Variants in UBQLN4 observed in about 807,000 individuals in gnomAD.
UBQLN4 encodes ubiquilin 4, also known as ubiquilin-4.
UBQLN4 carries 11 observed loss-of-function variants against 60.4 expected under a neutral mutation model. The observed-to-expected ratio is 0.18, with a 90% CI of 0.11 to 0.30. The LOEUF is 0.30. Among genes scored for constraint, UBQLN4 ranks in the 10% least tolerant of loss-of-function variants. The probability of loss-of-function intolerance (pLI) is 1.00; values close to 1 mark genes in which losing one functional copy is unlikely to be tolerated. For missense variants in UBQLN4, 417 were observed against 795.5 expected (o/e 0.52, Z 5.72); for synonymous variants, 258 against 313.1 (o/e 0.82, Z 1.86).
chr1:156,032,424 T>C (rs1329077324), downstream of UBQLN4, among the ~76,000 whole-genome samples: 1 of 149,834 alleles, frequency 6.7e-6, no homozygotes, highest in Non-Finnish European at 1.5e-5. Flanking sequence ...GGCAGGAGAA[T>C]CACTTGAACC....
chr1:156,032,699 T>C (rs989242314), downstream of UBQLN4, among the ~76,000 whole-genome samples: 1 of 152,236 alleles, frequency 6.6e-6, no homozygotes, highest in South Asian at 2.1e-4. Context: ...GGTTTAGGTT[T>C]GCTCTGTGAT....
At chr1:156,038,930 T>G (rs1683475741) in intron 10 of UBQLN4, among the ~76,000 whole-genome samples, 1 of 151,928 alleles carries the variant, frequency 6.6e-6, no homozygotes, top group South Asian at 2.1e-4. Flanking sequence ...TAGCTGGGAT[T>G]ACAGGTGCAT....
chr1:156,047,655 G>A (rs1323446121), intron 5 of UBQLN4, among the ~76,000 whole-genome samples: 3 of 151,434 alleles, frequency 2.0e-5, no homozygotes, highest in African/African-American at 7.3e-5. Context: ...CAGCACTTTT[G>A]GAGGCCAAGG....
intron 10 of UBQLN4, among the ~76,000 whole-genome samples, chr1:156,038,237 TG>T (rs1488460446): frequency 6.7e-6 from 1 of 148,792 alleles, no homozygotes; most frequent in Non-Finnish European, 1.5e-5. Context: ...ATTACCCAGG[TG>T]TGGTGGCGCA....
At chr1:156,045,504 T>C (rs1328707928) in intron 5 of UBQLN4, among the ~76,000 whole-genome samples, 1 of 152,270 alleles carries the variant, frequency 6.6e-6, no homozygotes, top group African/African-American at 2.4e-5. Flanking sequence ...ACTATGTGCC[T>C]GACACATTTA....
Position 156,050,720 on chromosome 1 carries a change from G to C in UBQLN4, c.479-167C>G, listed in dbSNP as rs1683845305. 1.3e-5 allele frequency among the ~76,000 whole-genome samples: 2 copies of C among 152,204 alleles called. No individual in the cohort carries two copies. The highest frequency in any genetic ancestry group is 4.8e-5 in the African/African-American group (2 of 41,448). On this transcript the variant is annotated intron_variant, in intron 3 of 10. Transcript: ENST00000368309. The surrounding 1 kb of genome is among the most constrained non-coding windows in gnomAD (Gnocchi z 4.6). Reference sequence around the variant, plus strand: ...ATCCACTGCTGGCAAAAAAATGTGAGCCTACTAGACTGAGGCTGTGCCAAA... The same window carrying C: ...ATCCACTGCTGGCAAAAAAATGTGACCCTACTAGACTGAGGCTGTGCCAAA...
chr1:156,051,116 T>C lies in UBQLN4; in HGVS notation c.472A>G (p.Ile158Val). Residue 158 changes from isoleucine to valine, a missense_variant, in exon 3 of 11, where the codon ATA becomes GTA. Ile to Val is a conservative substitution (Grantham distance 29). Coordinates refer to ENST00000368309, the MANE Select transcript of UBQLN4 (RefSeq NM_020131.5). ...GEGSPSATAS[I>V]LSGFGGILGL... Reference sequence around the variant, plus strand: ...CTCCTCTCTGAGGGCTTACAGAGTATGGACGCAGTAGCACTGGGGGATCCC... The same window carrying C: ...CTCCTCTCTGAGGGCTTACAGAGTACGGACGCAGTAGCACTGGGGGATCCC... 1 of 1,613,434 alleles carries C rather than the reference T, an allele frequency of 6.2e-7. No individual in the cohort carries two copies. Among genetic ancestry groups the C allele is most frequent in the Non-Finnish European group, 8.5e-7 (1 of 1,179,664 alleles).
chr1:156,041,057 T>C (rs1558086023), intron 10 of UBQLN4, among the ~76,000 whole-genome samples: 1 of 152,138 alleles, frequency 6.6e-6, no homozygotes, highest in Non-Finnish European at 1.5e-5. Context: ...AATGGTATAG[T>C]GTAAATTCTG....
In UBQLN4 at chr1:156,041,627, C is replaced by A; in HGVS notation, c.1511G>T (p.Gly504Val). Residue 504 changes from glycine (G) to valine (V), a missense_variant, in exon 10 of 11, where the codon GGC becomes GTC. Transcript: ENST00000368309. ...GISRTPAPSA[G>V]SNAGSTPEAP... The stretch of plus-strand genomic sequence containing the variant: ...CTCGGGCGTAGACCCTGCGTTGCTG[C>A]CTGCTGAGGGTGCTGGGGTCCGGGA... 1.2e-6 allele frequency: 2 copies of A among 1,600,984 alleles called. No homozygotes were observed. The highest frequency in any genetic ancestry group is 1.7e-6 in the Non-Finnish European group (2 of 1,173,434).
intron 1 of UBQLN4, 142 bp from the exon 2 acceptor site, chr1:156,051,999 C>A: frequency 1.0e-6 from 1 of 970,574 alleles, no homozygotes; most frequent in Non-Finnish European, 1.5e-6. Context: ...CGACGCCATT[C>A]CTCCAGCTGC....
At position 156,051,795 on chromosome 1, in the gene UBQLN4, T is replaced by A. The variant is rs530529585; in HGVS notation, c.171A>T (p.Ala57=). The A allele has an allele frequency of 1.9e-5, 30 of 1,614,170 alleles. 1 individual carries two copies. In the South Asian group the frequency reaches 3.3e-4, roughly 18 times the overall value. ...AQQDQLVLIF[A]GKILKDGDTL... is the part of the protein sequence containing the mutation. ...TGTCCCCATCCTTGAGGATCTTGCC[T>A]GCGAAGATCAGGACCAGCTGATCCT... The change falls in exon 2 of 11, where the codon GCA becomes GCT. Residue 57 remains alanine, a synonymous_variant. Coordinates refer to ENST00000368309, the MANE Select transcript of UBQLN4 (RefSeq NM_020131.5).
intron 5 of UBQLN4, among the ~76,000 whole-genome samples, chr1:156,045,720 C>G (rs1683680615): frequency 6.6e-6 from 1 of 152,174 alleles, no homozygotes. Flanking sequence ...AACCAGCTGT[C>G]TTGTAGTAAG....
downstream of UBQLN4, among the ~76,000 whole-genome samples, chr1:156,031,948 C>T (rs886513506): frequency 6.6e-6 from 1 of 151,624 alleles, no homozygotes; most frequent in African/African-American, 2.4e-5. Flanking sequence ...GAAATCATCA[C>T]CACAATGAAG....
rs1352896396 is a variant in UBQLN4 at position 156,050,174 on chromosome 1, T to C, written c.741+117A>G. ...TGTCTTTTCATCCCTGTACCTCCAG[T>C]GTTCAAAACTGCTGAATACACGAAT... is the stretch of plus-strand genomic sequence containing the variant. On this transcript the variant is annotated intron_variant, in intron 4 of 10. Coordinates refer to ENST00000368309, the MANE Select transcript of UBQLN4 (RefSeq NM_020131.5). This position sits in a 1 kb window ranked among gnomAD's most constrained non-coding sequence, Gnocchi z 4.6. 2.2e-6 allele frequency: 3 copies of C among 1,344,060 alleles called. No homozygotes were observed. The highest frequency in any genetic ancestry group is 3.0e-6 in the Non-Finnish European group (3 of 1,011,302). The allele number at this position is 1,344,060 out of a possible 1,614,324, so 83.3% of individuals were successfully genotyped here. A position where few individuals can be genotyped will look rare whatever the true frequency, so the allele number is the denominator to read the frequency against.
intron 10 of UBQLN4, among the ~76,000 whole-genome samples, chr1:156,039,990 G>T (rs190705731): frequency 6.9e-6 from 1 of 144,944 alleles, no homozygotes; most frequent in East Asian, 2.1e-4. Context: ...AGTCCAGCAA[G>T]CACCGTCCAC....
At chr1:156,044,818 C>T (rs1431335633) in intron 5 of UBQLN4, among the ~76,000 whole-genome samples, 1 of 152,082 alleles carries the variant, frequency 6.6e-6, no homozygotes, top group Non-Finnish European at 1.5e-5. Flanking sequence ...ACAGTGGCGG[C>T]CCCTAGCAGA....
At chr1:156,047,156 G>A (rs1247055805) in intron 5 of UBQLN4, among the ~76,000 whole-genome samples, 1 of 152,096 alleles carries the variant, frequency 6.6e-6, no homozygotes, top group African/African-American at 2.4e-5. Context: ...GAAACAGAGG[G>A]ATCCCTTCTG....
intron 5 of UBQLN4, among the ~76,000 whole-genome samples, chr1:156,044,889 C>T (rs1353344808): frequency 6.6e-6 from 1 of 152,162 alleles, no homozygotes; most frequent in African/African-American, 2.4e-5. Flanking sequence ...AACCCTACCT[C>T]TACACACTGG....
At chr1:156,039,245 C>CTTTTTT (rs34866268) in intron 10 of UBQLN4, among the ~76,000 whole-genome samples, 4 of 82,506 alleles carry the variant, frequency 4.8e-5, no homozygotes, top group Admixed American at 1.4e-4. Context: ...CCTGGCCTGG[C>CTTTTTT]TTTTTTTTTT....
Sources: allele counts gnomAD v4.1 joint callset (sites outside exome capture counted in the v4.1 genomes callset), GRCh38; gene constraint gnomAD v4.1.1; non-coding constraint Gnocchi (gnomAD v3.1); transcripts MANE v1.5; gene names NCBI Gene and HGNC (gene_info 2026-07-23, HGNC 2026-07-21).